Variants in SLIT3 observed in about 807,000 individuals in gnomAD.
SLIT3 encodes the protein slit guidance ligand 3.
In SLIT3, 68 loss-of-function variants were observed where a neutral mutation model predicts 184.0. The ratio of observed to expected loss-of-function variants is 0.37; its 90% confidence interval spans 0.30 to 0.45. The LOEUF (loss-of-function observed/expected upper bound fraction) is 0.45, where lower values mean the gene tolerates loss of function less well. Among genes scored for constraint, SLIT3 ranks in the 20% least tolerant of loss-of-function variants. SLIT3 has a pLI of 1.00. For missense variants in SLIT3, 1,707 were observed against 2,026.0 expected, an observed-to-expected ratio of 0.84 and a Z score of 3.02; for synonymous variants, 831 against 828.6, an observed-to-expected ratio of 1.00 and a Z score of -0.05.
At chr5:169,005,935 A>G (rs969532495) in intron 4 of SLIT3, among the ~76,000 whole-genome samples, 10 of 152,252 alleles carry the variant, frequency 6.6e-5, no homozygotes, top group African/African-American at 2.4e-4. Flanking sequence ...CTTCAAGTTT[A>G]TACTTTCCCC....
intron 1 of SLIT3, among the ~76,000 whole-genome samples, chr5:169,269,691 C>T (rs1267979577): frequency 6.6e-6 from 1 of 152,234 alleles, no homozygotes; most frequent in Non-Finnish European, 1.5e-5. Flanking sequence ...GCCACTTCTC[C>T]CATGTGGCAC....
At chr5:168,935,413 T>C (rs988378041) in intron 4 of SLIT3, among the ~76,000 whole-genome samples, 1 of 152,182 alleles carries the variant, frequency 6.6e-6, no homozygotes, top group Non-Finnish European at 1.5e-5. Context: ...TTTGTTCCTA[T>C]TGTGGTCAGC....
chr5:169,027,642 C>T (rs1378382464), intron 4 of SLIT3, among the ~76,000 whole-genome samples: 1 of 152,198 alleles, frequency 6.6e-6, no homozygotes, highest in Non-Finnish European at 1.5e-5. Flanking sequence ...CTTCCCCCTC[C>T]TGAATGTAAT....
chr5:169,088,957 T>C (rs1425755466), intron 4 of SLIT3, among the ~76,000 whole-genome samples: 2 of 130,236 alleles, frequency 1.5e-5, no homozygotes, highest in African/African-American at 5.8e-5. Flanking sequence ...GAGGCAGAGG[T>C]TGCAGTGAGC....
rs577822964 is a variant in SLIT3, at chr5:168,728,617, T to TA, written c.2271-4134dup. On this transcript the variant is annotated intron_variant, in intron 20 of 35. Coordinates refer to ENST00000519560, the MANE Select transcript of SLIT3 (RefSeq NM_003062.4). ...GAAATTTCCAAGGACACAGACATCT[T>TA]AAAAAAAATAAAAAAGCCAAAGCCC... 4.5e-3 allele frequency among the ~76,000 whole-genome samples: 681 copies of TA among 151,654 alleles called. 2 individuals are homozygous for TA. The highest frequency in any genetic ancestry group is 8.0e-3 in the Non-Finnish European group (545 of 67,872).
chr5:168,748,480 C>A, intron 19 of SLIT3, 46 bp from the exon 20 acceptor site: 3 of 1,491,472 alleles, frequency 2.0e-6, no homozygotes, highest in Non-Finnish European at 2.6e-6. Flanking sequence ...AGATAAGCCC[C>A]ACTAGGGGGA....
rs761680258 is a variant in SLIT3 at position 168,712,373 on chromosome 5, G to A, written c.2484-19C>T. The A allele has an allele frequency of 6.8e-6, 11 of 1,612,380 alleles. No individual in the cohort carries two copies. The highest frequency in any genetic ancestry group is 7.6e-6 in the Non-Finnish European group (9 of 1,178,498). ...GAGGGTTCTGAAGCAGAGGGCACAG[G>A]TCGGAAGGTTAGCATCCACTAATTT... On this transcript the variant is annotated intron_variant, in intron 23 of 35. Coordinates refer to ENST00000519560, the MANE Select transcript of SLIT3 (RefSeq NM_003062.4).
chr5:169,251,331 T>G (rs1425207519), intron 2 of SLIT3, 57 bp downstream of exon 2: 1 of 1,240,380 alleles, frequency 8.1e-7, no homozygotes, highest in Non-Finnish European at 1.2e-6. Flanking sequence ...GGAACATTTT[T>G]TTGTGAGGCT....
intron 4 of SLIT3, among the ~76,000 whole-genome samples, chr5:168,969,715 G>C (rs1287009324): frequency 1.3e-5 from 2 of 152,232 alleles, no homozygotes; most frequent in African/African-American, 4.8e-5. Flanking sequence ...TTGGTGACAG[G>C]TGCAGTTTCC....
intron 4 of SLIT3, among the ~76,000 whole-genome samples, chr5:169,156,514 A>C (rs1762310607): frequency 1.3e-5 from 2 of 152,236 alleles, no homozygotes; most frequent in Admixed American, 1.3e-4. Context: ...GGAGATGGGA[A>C]GGCACATCTG....
At chr5:168,922,500 C>G (rs1272705124) in intron 4 of SLIT3, among the ~76,000 whole-genome samples, 1 of 145,982 alleles carries the variant, frequency 6.9e-6, no homozygotes, top group African/African-American at 2.5e-5. Context: ...GGAACCATAG[C>G]AAGTAAAAAT....
chr5:169,165,489 T>A (rs2113403144), intron 4 of SLIT3, among the ~76,000 whole-genome samples: 1 of 152,358 alleles, frequency 6.6e-6, no homozygotes, highest in East Asian at 1.9e-4. Context: ...ATACTATGCA[T>A]CTTGCACTAT....
chr5:169,112,586 T>C (rs1760452425), intron 4 of SLIT3, among the ~76,000 whole-genome samples: 1 of 152,204 alleles, frequency 6.6e-6, no homozygotes, highest in South Asian at 2.1e-4. Flanking sequence ...TTTTGCCCCA[T>C]GGTGGTAGCT....
At chr5:168,806,640 G>T in intron 8 of SLIT3, 53 bp from the exon 9 acceptor site, 1 of 1,605,404 alleles carries the variant, frequency 6.2e-7, no homozygotes, top group East Asian at 2.2e-5. Flanking sequence ...GAGCTGCCTG[G>T]GCTTCTGTGT....
intron 5 of SLIT3, among the ~76,000 whole-genome samples, chr5:168,871,068 G>A (rs958769689): frequency 6.6e-6 from 1 of 152,166 alleles, no homozygotes; most frequent in African/African-American, 2.4e-5. Context: ...CTGTGCTCGT[G>A]TCAAGGTGTC....
intron 5 of SLIT3, among the ~76,000 whole-genome samples, chr5:168,857,030 C>T (rs1314423573): frequency 6.6e-6 from 1 of 151,972 alleles, no homozygotes; most frequent in Admixed American, 6.6e-5. Flanking sequence ...CATGCTGTCT[C>T]TAAATTCTCC....
At chr5:169,040,215 T>G (rs1001695150) in intron 4 of SLIT3, among the ~76,000 whole-genome samples, 1 of 152,216 alleles carries the variant, frequency 6.6e-6, no homozygotes, top group Non-Finnish European at 1.5e-5. Flanking sequence ...TGTTAGGAAT[T>G]CCCTTGCTTC....
At chr5:168,666,864 C>T (rs1252873544) in intron 35 of SLIT3, 175 bp from the exon 36 acceptor site, 13 of 1,016,246 alleles carry the variant, frequency 1.3e-5, no homozygotes, top group Non-Finnish European at 1.8e-5. Flanking sequence ...AAACAGGTGC[C>T]TTTCCTGTAC....
intron 4 of SLIT3, among the ~76,000 whole-genome samples, chr5:169,127,209 T>C (rs1308095386): frequency 1.3e-5 from 2 of 152,224 alleles, no homozygotes; most frequent in Admixed American, 6.5e-5. Context: ...ATCAGAAAAG[T>C]CGAGTCATAA....
Sources: allele counts gnomAD v4.1 joint callset (sites outside exome capture counted in the v4.1 genomes callset), GRCh38; gene constraint gnomAD v4.1.1; transcripts MANE v1.5; gene names NCBI Gene and HGNC (gene_info 2026-07-23, HGNC 2026-07-21).